The following LSAMP variants were observed in gnomAD, a reference collection of about 807,000 sequenced individuals.
The protein encoded by LSAMP is limbic system-associated membrane protein.
A neutral mutation model predicts 38.6 loss-of-function variants in LSAMP; 7 were observed. That is an observed-to-expected ratio of 0.18 (90% CI 0.10 to 0.34). LSAMP has a LOEUF of 0.34. LSAMP is among the 10% of genes least tolerant of loss of function. LSAMP has a pLI of 1.00. For synonymous variants in LSAMP, 154 were observed against 166.8 expected (o/e 0.92, Z 0.59); for missense variants, 313 against 420.0 (o/e 0.75, Z 2.23).
At chr3:116,308,464 C>T (rs757587047) in intron 1 of LSAMP, among the ~76,000 whole-genome samples, 3 of 152,006 alleles carry the variant, frequency 2.0e-5, no homozygotes, top group African/African-American at 4.8e-5. Context: ...TGAATGAATG[C>T]AAGGTAAATT....
intron 3 of LSAMP, among the ~76,000 whole-genome samples, chr3:115,940,643 C>T (rs1445694736): frequency 6.6e-6 from 1 of 152,078 alleles, no homozygotes; most frequent in Non-Finnish European, 1.5e-5. Flanking sequence ...CCAATTTTAC[C>T]AGCATCATTT....
chr3:116,250,721 T>C lies in LSAMP; in HGVS notation c.156-164165A>G, dbSNP rs931463834. Among the ~76,000 whole-genome samples the C allele has an allele frequency of 6.0e-4, 89 of 149,544 alleles. 1 individual carries two copies. Among genetic ancestry groups the C allele is most frequent in the African/African-American group, 2.1e-3 (85 of 40,590 alleles). The stretch of plus-strand genomic sequence containing the variant: ...TACAAAAAAAAAAAAAATACAAATA[T>C]CAGCTAGGTATGGTGGCATGCACCT... On this transcript the variant is annotated intron_variant, in intron 1 of 6. Transcript: ENST00000490035.
At chr3:116,061,966 C>T (rs992460478) in intron 2 of LSAMP, among the ~76,000 whole-genome samples, 2 of 152,120 alleles carry the variant, frequency 1.3e-5, no homozygotes, top group African/African-American at 4.8e-5. Flanking sequence ...GAAATAGGGG[C>T]ACTTACTCCA....
intron 1 of LSAMP, among the ~76,000 whole-genome samples, chr3:116,329,364 T>C (rs1373532557): frequency 6.6e-6 from 1 of 152,118 alleles, no homozygotes; most frequent in East Asian, 1.9e-4. Flanking sequence ...TCTGTGAAAA[T>C]TGGTAAATGA....
Position 115,962,202 on chromosome 3 carries a change from G to A in LSAMP, c.514+57313C>T, listed in dbSNP as rs989501599. ...CAGTCTCGGCTAGAAATCCTGGGAT[G>A]AAGAATTATAGAAGTTACTATCTCC... is the stretch of plus-strand genomic sequence containing the variant. On this transcript the variant is annotated intron_variant, in intron 3 of 6. Transcript: ENST00000490035. 2.0e-5 allele frequency among the ~76,000 whole-genome samples: 3 copies of A among 152,218 alleles called. No individual in the cohort carries two copies. In the East Asian group the frequency reaches 5.8e-4, roughly 29 times the overall value.
chr3:116,224,827 G>A (rs955624236), intron 1 of LSAMP, among the ~76,000 whole-genome samples: 3 of 152,154 alleles, frequency 2.0e-5, no homozygotes, highest in Non-Finnish European at 4.4e-5. Flanking sequence ...ACCAGCCCTC[G>A]AATGATCTTC....
chr3:116,110,858 T>C (rs1477867203), intron 1 of LSAMP, among the ~76,000 whole-genome samples: 1 of 152,070 alleles, frequency 6.6e-6, no homozygotes, highest in Non-Finnish European at 1.5e-5. Context: ...AACATGGCTG[T>C]TTATTTCACC....
At chr3:115,865,541 C>A (rs1413417380) in intron 3 of LSAMP, among the ~76,000 whole-genome samples, 1 of 152,120 alleles carries the variant, frequency 6.6e-6, no homozygotes, top group Non-Finnish European at 1.5e-5. Context: ...ATGTGATCAG[C>A]TTATCTCAAA....
Position 115,808,112 on chromosome 3 carries a change from CCCT to C in LSAMP, c.*2202_*2204del, listed in dbSNP as rs1933677356. ...TTCCTTCCTTCCTTCCTTCCTTCCT[CCCT>C]CCCTCCCTCCCTCCCTCCCTCCCTC... On this transcript the variant is annotated 3_prime_UTR_variant, in exon 7 of 7. Transcript: ENST00000490035. 3.9e-5 allele frequency: 1 copy of C among 25,924 alleles called. No individual in the cohort carries two copies. Among genetic ancestry groups the C allele is most frequent in the African/African-American group, 2.1e-4 (1 of 4,664 alleles). 1.6% of individuals were successfully genotyped at this position (25,924 alleles called of 1,614,324 possible).
intron 1 of LSAMP, among the ~76,000 whole-genome samples, chr3:116,221,459 G>C (rs1559788603): frequency 6.6e-6 from 1 of 152,120 alleles, no homozygotes; most frequent in Admixed American, 6.5e-5. Flanking sequence ...ACTAGCTAGG[G>C]AAGTCATTCA....
intron 1 of LSAMP, among the ~76,000 whole-genome samples, chr3:116,298,291 C>T (rs1422304542): frequency 6.6e-6 from 1 of 152,190 alleles, no homozygotes; most frequent in Non-Finnish European, 1.5e-5. Context: ...GACCCTCCTT[C>T]TGTTTCCCTC....
chr3:115,986,479 A>ATATGCT (rs1491203359), intron 3 of LSAMP, among the ~76,000 whole-genome samples: 17 of 152,302 alleles, frequency 1.1e-4, no homozygotes, highest in Non-Finnish European at 2.1e-4. Flanking sequence ...TGGGAAAAAC[A>ATATGCT]TATGCTTTTT....
intron 1 of LSAMP, among the ~76,000 whole-genome samples, chr3:116,317,274 A>G (rs2047641907): frequency 6.6e-6 from 1 of 152,056 alleles, no homozygotes; most frequent in African/African-American, 2.4e-5. Context: ...CTGCTGCTCA[A>G]TTCTTGAAGT....
intron 3 of LSAMP, among the ~76,000 whole-genome samples, chr3:115,898,883 C>A (rs4146805): frequency 0.18 from 28,103 of 151,998 alleles, 3,021 homozygotes; most frequent in East Asian, 0.34. Context: ...GTGGTAAATT[C>A]TCTTTGGGTG....
intron 1 of LSAMP, among the ~76,000 whole-genome samples, chr3:116,355,892 G>A (rs2048215925): frequency 6.6e-6 from 1 of 152,132 alleles, no homozygotes; most frequent in African/African-American, 2.4e-5. Flanking sequence ...TTTCATTCCA[G>A]TTAAAATGGC....
chr3:115,949,082 A>T (rs1320744351), intron 3 of LSAMP, among the ~76,000 whole-genome samples: 4 of 152,162 alleles, frequency 2.6e-5, no homozygotes, highest in Admixed American at 2.6e-4. Context: ...AGCCTGTCCA[A>T]TATGGCAAAA....
At chr3:116,227,184 T>C (rs542332769) in intron 1 of LSAMP, among the ~76,000 whole-genome samples, 3 of 152,174 alleles carry the variant, frequency 2.0e-5, no homozygotes, top group Admixed American at 6.5e-5. Context: ...TCTACCCATA[T>C]GCTTGTAAAC....
chr3:116,290,288 C>T (rs960045436), intron 1 of LSAMP, among the ~76,000 whole-genome samples: 1 of 152,176 alleles, frequency 6.6e-6, no homozygotes, highest in African/African-American at 2.4e-5. Context: ...CTGCACACTG[C>T]CCCTTCTTAC....
At chr3:116,414,197 T>A (rs374063131) in intron 1 of LSAMP, among the ~76,000 whole-genome samples, 2 of 152,176 alleles carry the variant, frequency 1.3e-5, no homozygotes, top group African/African-American at 2.4e-5. Context: ...CATCTGGGGA[T>A]CATTATTACT....
Sources: gnomAD v4.1 joint callset for allele counts (sites outside exome capture counted in the v4.1 genomes callset) on GRCh38, gnomAD v4.1.1 for gene constraint, MANE v1.5 for transcripts, NCBI Gene and HGNC (gene_info 2026-07-23, HGNC 2026-07-21) for gene names.